XKR4: variants seen among roughly 807,000 people sequenced by gnomAD.
XKR4 encodes XK related 4, also known as XK-related protein 4.
XKR4 carries 12 observed loss-of-function variants against 53.9 expected under a neutral mutation model. The observed-to-expected ratio is 0.22, with a 90% CI of 0.14 to 0.36. The LOEUF (loss-of-function observed/expected upper bound fraction) is 0.36, where lower values mean the gene tolerates loss of function less well. Ranked by LOEUF, XKR4 falls within the 10% of genes least tolerant of loss-of-function variation. The pLI, the probability that XKR4 is intolerant of heterozygous loss-of-function variation, is 1.00. For missense variants in XKR4, 799 were observed against 859.5 expected, an observed-to-expected ratio of 0.93 and a Z score of 0.88; for synonymous variants, 354 against 362.4, an observed-to-expected ratio of 0.98 and a Z score of 0.26.
At chr8:55,133,955 A>T (rs1462938198) in intron 1 of XKR4, among the ~76,000 whole-genome samples, 1 of 152,238 alleles carries the variant, frequency 6.6e-6, no homozygotes, top group African/African-American at 2.4e-5. Flanking sequence ...CATAACAGCT[A>T]TAGAGACTGG....
chr8:55,248,087 C>T (rs920360857), intron 1 of XKR4, among the ~76,000 whole-genome samples: 1 of 151,780 alleles, frequency 6.6e-6, no homozygotes, highest in Non-Finnish European at 1.5e-5. Flanking sequence ...GATCTCCTGA[C>T]CTCGTGATCC....
intron 2 of XKR4, among the ~76,000 whole-genome samples, chr8:55,458,295 A>G (rs1043951864): frequency 6.6e-6 from 1 of 152,198 alleles, no homozygotes; most frequent in African/African-American, 2.4e-5. Context: ...ACAGGTCTCA[A>G]CCCCTCATGG....
rs1203465938 is a variant in XKR4, at chr8:55,102,156, G to T, written c.-333G>T. Among the ~76,000 whole-genome samples the T allele has an allele frequency of 1.3e-5, 2 of 149,866 alleles. No individual in the cohort carries two copies. The highest frequency in any genetic ancestry group is 2.0e-4 in the East Asian group (1 of 5,128). On this transcript the variant is annotated 5_prime_UTR_variant, in exon 1 of 3. Transcript: ENST00000327381. The surrounding 1 kb of genome is among the most constrained non-coding windows in gnomAD (Gnocchi z 5.1). ...CGCTGCTGCTCCTGCTGCTGGCGGCGGCGGCGGCTCGGGCGGCAGCAGCGA... is the reference window on the plus strand; with the variant it reads ...CGCTGCTGCTCCTGCTGCTGGCGGCTGCGGCGGCTCGGGCGGCAGCAGCGA...
At chr8:55,346,549 A>C (rs766386016) in intron 1 of XKR4, among the ~76,000 whole-genome samples, 7 of 152,232 alleles carry the variant, frequency 4.6e-5, no homozygotes, top group Admixed American at 1.3e-4. Flanking sequence ...CACAGAATGG[A>C]GAAGGCAGAA....
At chr8:55,466,398 C>T (rs1255642234) in intron 2 of XKR4, among the ~76,000 whole-genome samples, 1 of 151,914 alleles carries the variant, frequency 6.6e-6, no homozygotes, top group Non-Finnish European at 1.5e-5. Context: ...AAAAACCAAA[C>T]ACCTCGTGTT....
At chr8:55,365,971 G>A (rs1803977622) in intron 2 of XKR4, among the ~76,000 whole-genome samples, 1 of 152,072 alleles carries the variant, frequency 6.6e-6, no homozygotes, top group Non-Finnish European at 1.5e-5. Context: ...GCGAGGGAGT[G>A]GGGCGCACCT....
intron 1 of XKR4, among the ~76,000 whole-genome samples, chr8:55,298,875 T>C (rs1193390020): frequency 6.6e-6 from 1 of 152,204 alleles, no homozygotes; most frequent in Non-Finnish European, 1.5e-5. Flanking sequence ...ACCATGCCCA[T>C]TTACCCTTTA....
chr8:55,202,418 G>C (rs1817587956), intron 1 of XKR4, among the ~76,000 whole-genome samples: 2 of 152,284 alleles, frequency 1.3e-5, no homozygotes, highest in South Asian at 4.2e-4. Flanking sequence ...CTCACCAAGG[G>C]GCCCCTCCAC....
chr8:55,266,394 G>A (rs530278069), intron 1 of XKR4, among the ~76,000 whole-genome samples: 2 of 152,138 alleles, frequency 1.3e-5, no homozygotes, highest in Admixed American at 1.3e-4. Context: ...GGCACCCCAT[G>A]GGTTTGACTT....
chr8:55,127,361 T>G (rs968384567), intron 1 of XKR4, among the ~76,000 whole-genome samples: 4 of 151,852 alleles, frequency 2.6e-5, no homozygotes, highest in African/African-American at 9.7e-5. Context: ...TAAGCAATTC[T>G]CCTGCCTCAG....
At chr8:55,420,789 AATAAATAG>A (rs1429555875) in intron 2 of XKR4, among the ~76,000 whole-genome samples, 1 of 114,240 alleles carries the variant, frequency 8.8e-6, no homozygotes, top group African/African-American at 3.1e-5. Flanking sequence ...GTATAATAAT[AATAAATAG>A]ATAAATAAAT....
intron 2 of XKR4, among the ~76,000 whole-genome samples, chr8:55,383,905 C>A (rs1027663054): frequency 2.6e-5 from 4 of 152,154 alleles, no homozygotes; most frequent in Non-Finnish European, 4.4e-5. Flanking sequence ...TACCCTTCTA[C>A]ACAATACGGC....
At chr8:55,254,303 C>T (rs1340063246) in intron 1 of XKR4, among the ~76,000 whole-genome samples, 1 of 151,928 alleles carries the variant, frequency 6.6e-6, no homozygotes, top group African/African-American at 2.4e-5. Flanking sequence ...TGGACCTGAA[C>T]ACATTTTAAA....
chr8:55,536,711 T>C lies in XKR4; in HGVS notation c.*12484T>C, dbSNP rs866733559. 4 of 152,324 alleles carry C rather than the reference T, an allele frequency of 2.6e-5. No individual in the cohort carries two copies. The Middle Eastern group carries it at 0.01, about 389-fold the overall frequency. 9.4% of individuals were successfully genotyped at this position (152,324 alleles called of 1,614,324 possible). A position where few individuals can be genotyped will look rare whatever the true frequency, so the allele number is the denominator to read the frequency against. On this transcript the variant is annotated 3_prime_UTR_variant, in exon 3 of 3. Coordinates refer to ENST00000327381, the MANE Select transcript of XKR4 (RefSeq NM_052898.2). ...GCCAAGAGAAATAATGCAGAACAAA[T>C]GTTATTTAATTTTTATTTACTTTCA...
chr8:55,268,031 T>C lies in XKR4; in HGVS notation c.807-89647T>C, dbSNP rs184566575. On this transcript the variant is annotated intron_variant, in intron 1 of 2. Transcript: ENST00000327381. ...TGGAAATGAAAGATTAAGCGATTAATTGAGGAGAAAAAGCTGTGCAGTTGG... is the reference window on the plus strand; with the variant it reads ...TGGAAATGAAAGATTAAGCGATTAACTGAGGAGAAAAAGCTGTGCAGTTGG... 3.0e-4 allele frequency among the ~76,000 whole-genome samples: 46 copies of C among 152,308 alleles called. No homozygotes were observed. The East Asian group carries it at 5.6e-3, about 19-fold the overall frequency.
At chr8:55,447,940 GT>G (rs1805370083) in intron 2 of XKR4, among the ~76,000 whole-genome samples, 1 of 152,178 alleles carries the variant, frequency 6.6e-6, no homozygotes, top group African/African-American at 2.4e-5. Flanking sequence ...AATTGTGTCT[GT>G]CAAATACTTT....
intron 2 of XKR4, among the ~76,000 whole-genome samples, chr8:55,516,439 T>C (rs192845487): frequency 6.6e-6 from 1 of 152,240 alleles, no homozygotes; most frequent in Non-Finnish European, 1.5e-5. Context: ...TTCTTAAAAC[T>C]ACTTGTGAGA....
chr8:55,472,746 A>G (rs1419228362), intron 2 of XKR4, among the ~76,000 whole-genome samples: 1 of 152,116 alleles, frequency 6.6e-6, no homozygotes, highest in Non-Finnish European at 1.5e-5. Flanking sequence ...AGTCATTTCT[A>G]TTATTAGGGA....
chr8:55,250,755 A>T (rs1818351778), intron 1 of XKR4, among the ~76,000 whole-genome samples: 1 of 152,262 alleles, frequency 6.6e-6, no homozygotes, highest in African/African-American at 2.4e-5. Context: ...TGTCAATTTT[A>T]GAATGTTCAA....
Sources: gnomAD v4.1 joint callset for allele counts (sites outside exome capture counted in the v4.1 genomes callset) on GRCh38, gnomAD v4.1.1 for gene constraint, Gnocchi (gnomAD v3.1) non-coding constraint, MANE v1.5 for transcripts, NCBI Gene and HGNC (gene_info 2026-07-23, HGNC 2026-07-21) for gene names.